The following SEPTIN8 variants were observed in gnomAD, a reference collection of about 807,000 sequenced individuals.
SEPTIN8 encodes the protein septin 8, also known as septin-8.
SEPTIN8 carries 22 observed loss-of-function variants against 53.1 expected under a neutral mutation model. That is an observed-to-expected ratio of 0.41 (90% CI 0.30 to 0.59). The LOEUF (loss-of-function observed/expected upper bound fraction) is 0.59. SEPTIN8 is among the 20% of genes least tolerant of loss of function. The pLI, the probability that SEPTIN8 is intolerant of heterozygous loss-of-function variation, is 0.24. For synonymous variants in SEPTIN8, 228 were observed against 248.4 expected (o/e 0.92, Z 0.77); for missense variants, 536 against 638.7 (o/e 0.84, Z 1.73).
intron 9 of SEPTIN8, chr5:132,757,924 T>C (rs1755493325): frequency 2.0e-6 from 2 of 985,848 alleles, no homozygotes; most frequent in African/African-American, 1.7e-5. Context: ...TTTTTCCCAC[T>C]GAGTACTCTT....
At chr5:132,756,547 A>AACTT (rs1396733882) in intron 9 of SEPTIN8, 3 of 985,472 alleles carry the variant, frequency 3.0e-6, no homozygotes, top group African/African-American at 1.7e-5. Context: ...TATGGGGGCT[A>AACTT]ACTTACTAAA....
At chr5:132,758,839 TAAAACAAAC>T (rs1755603639) in intron 9 of SEPTIN8, 1 of 1,612,494 alleles carries the variant, frequency 6.2e-7, no homozygotes, top group African/African-American at 1.3e-5. Flanking sequence ...AAAATAAAAA[TAAAACAAAC>T]AAAACAAAAA....
Position 132,758,695 on chromosome 5 carries a change from G to C in SEPTIN8, c.1286+2107C>G, listed in dbSNP as rs1030759633. ...GAGGAAAGCAAGGCTGTAAACACTGGAGTCTGTACCGGCTCCCAGTCCGTC... is the reference window on the plus strand; with the variant it reads ...GAGGAAAGCAAGGCTGTAAACACTGCAGTCTGTACCGGCTCCCAGTCCGTC... On this transcript the variant is annotated intron_variant, in intron 9 of 9. Transcript: ENST00000378719. 4 of 1,602,030 alleles carry C rather than the reference G, an allele frequency of 2.5e-6. No individual in the cohort carries two copies. In the African/African-American group the frequency reaches 4.0e-5, roughly 16 times the overall value.
At chr5:132,756,060 C>G (rs1307667121) in intron 9 of SEPTIN8, 1 of 985,096 alleles carries the variant, frequency 1.0e-6, no homozygotes, top group African/African-American at 1.7e-5. Flanking sequence ...TGGAAAAGAA[C>G]AAAAACAGTC....
rs751928524 is a variant in SEPTIN8, at chr5:132,763,818, G to A, written c.422C>T (p.Ser141Leu). Reference protein sequence around the residue: ...YLQEELKIRRSLFDYHDTRIH... With the variant: ...YLQEELKIRRLLFDYHDTRIH... ...CCTTGTGTCATGGTAGTCGAAGAGC[G>A]AGCGGCGGATCTTCAGCTCCTCCTG... The change falls in exon 4 of 10, where the codon TCG becomes TTG. Residue 141 changes from serine (S) to leucine (L), a missense_variant. Around this residue, in one of 3 missense-constraint regions of SEPTIN8, gnomAD observed 395 missense variants for 451.8 expected, o/e 0.87. Transcript: ENST00000378719. 72 of 1,611,704 alleles carry A rather than the reference G, an allele frequency of 4.5e-5. No individual in the cohort carries two copies. Among genetic ancestry groups the A allele is most frequent in the Non-Finnish European group, 5.9e-5 (69 of 1,179,036 alleles).
intron 1 of SEPTIN8, among the ~76,000 whole-genome samples, chr5:132,767,163 C>A (rs1051484337): frequency 1.4e-4 from 22 of 152,344 alleles, no homozygotes; most frequent in African/African-American, 5.1e-4. Flanking sequence ...AATCTCCCCA[C>A]TCAAGCCCAG....
At chr5:132,772,256 T>G (rs1255942897) in intron 1 of SEPTIN8, among the ~76,000 whole-genome samples, 3 of 152,180 alleles carry the variant, frequency 2.0e-5, no homozygotes, top group Admixed American at 6.5e-5. Flanking sequence ...TTTGGGATAG[T>G]GTGTTTCAAG....
At position 132,751,952 on chromosome 5, in the gene SEPTIN8, A is replaced by T; in HGVS notation, c.*64T>A. 1 of 1,598,618 alleles carries T rather than the reference A, an allele frequency of 6.3e-7. No homozygotes were observed. Among genetic ancestry groups the T allele is most frequent in the Non-Finnish European group, 8.5e-7 (1 of 1,172,106 alleles). Reference sequence around the variant, plus strand: ...GGCGTTTTCTGTTCTAACATTAAAAACCATGGTCTCCAGTTCCATGCCCTG... The same window carrying T: ...GGCGTTTTCTGTTCTAACATTAAAATCCATGGTCTCCAGTTCCATGCCCTG... On this transcript the variant is annotated 3_prime_UTR_variant, in exon 10 of 10. Coordinates refer to ENST00000378719, the MANE Select transcript of SEPTIN8 (RefSeq NM_001098811.2).
At position 132,765,537 on chromosome 5, in the gene SEPTIN8, G is replaced by C. The variant is rs1007064131; in HGVS notation, c.31-8C>G. The C allele has an allele frequency of 1.3e-6, 2 of 1,582,502 alleles. No individual in the cohort carries two copies. The highest frequency in any genetic ancestry group is 8.6e-7 in the Non-Finnish European group (1 of 1,167,798). On this transcript the variant is annotated splice_polypyrimidine_tract_variant and splice_region_variant and intron_variant, in intron 1 of 9. Transcript: ENST00000378719. ...GGGCTCTGGCTCTGCATTCTGCCAAGAGAGAAATAAAGCAAGACATGAGCC... is the reference window on the plus strand; with the variant it reads ...GGGCTCTGGCTCTGCATTCTGCCAACAGAGAAATAAAGCAAGACATGAGCC...
chr5:132,765,608 G>A, intron 1 of SEPTIN8, 79 bp from the exon 2 acceptor site: 10 of 1,475,516 alleles, frequency 6.8e-6, no homozygotes, highest in Non-Finnish European at 9.1e-6. Context: ...CTAAATCTGA[G>A]TTAAAACAGT....
chr5:132,755,281 T>G (rs1755224176), intron 9 of SEPTIN8, among the ~76,000 whole-genome samples: 1 of 152,172 alleles, frequency 6.6e-6, no homozygotes, highest in Non-Finnish European at 1.5e-5. Context: ...ATCACTTCTT[T>G]TCACCAGTCT....
chr5:132,764,278 T>G lies in SEPTIN8; in HGVS notation c.293A>C (p.Lys98Thr). The G allele has an allele frequency of 6.2e-7, 1 of 1,614,188 alleles. No homozygotes were observed. The highest frequency in any genetic ancestry group is 8.5e-7 in the Non-Finnish European group (1 of 1,180,030). The part of the protein sequence containing the change: ...YDLQESNVQL[K>T]LTIVDAVGFG... The stretch of plus-strand genomic sequence containing the variant: ...GCCCACGGCATCCACAATGGTCAGC[T>G]TGAGCTGCACGTTGCTCTCCTGGAG... The change falls in exon 3 of 10, where the codon AAG (lysine) becomes ACG (threonine). Residue 98 changes from lysine (K) to threonine (T), a missense_variant. Lys to Thr is a moderately conservative substitution (Grantham distance 78). This residue lies in a region of SEPTIN8 where 395 missense variants were observed against 451.8 expected (regional missense o/e 0.87). Coordinates refer to ENST00000378719, the MANE Select transcript of SEPTIN8 (RefSeq NM_001098811.2).
intron 9 of SEPTIN8, chr5:132,759,133 G>A (rs996891313): frequency 4.0e-6 from 2 of 500,622 alleles, no homozygotes; most frequent in African/African-American, 1.9e-5. Context: ...ATGCACTCCC[G>A]ACTCACACTA....
At chr5:132,755,335 C>T (rs1755228265) in intron 9 of SEPTIN8, among the ~76,000 whole-genome samples, 1 of 152,152 alleles carries the variant, frequency 6.6e-6, no homozygotes, top group South Asian at 2.1e-4. Context: ...GGCTTTCTAC[C>T]TCTAAAAAAC....
intron 1 of SEPTIN8, among the ~76,000 whole-genome samples, chr5:132,767,730 G>A (rs1446800042): frequency 6.6e-6 from 1 of 152,096 alleles, no homozygotes; most frequent in East Asian, 1.9e-4. Flanking sequence ...ACCTCCTTGT[G>A]TCGGCTTGAG....
At chr5:132,765,289 A>T in intron 2 of SEPTIN8, 120 bp downstream of exon 2, 1 of 1,212,424 alleles carries the variant, frequency 8.2e-7, no homozygotes, top group East Asian at 2.5e-5. Context: ...TCGTCCTGAC[A>T]CCCCCAAAGT....
chr5:132,764,120 G>T, intron 3 of SEPTIN8, 104 bp downstream of exon 3: 2 of 1,236,294 alleles, frequency 1.6e-6, no homozygotes, highest in Non-Finnish European at 2.2e-6. Context: ...TCCCCAAGAG[G>T]CCCTCCCTGG....
chr5:132,769,251 G>A (rs1756932714), intron 1 of SEPTIN8, among the ~76,000 whole-genome samples: 1 of 152,236 alleles, frequency 6.6e-6, no homozygotes. Flanking sequence ...CCAGGGCAGA[G>A]CAGGGACCTG....
chr5:132,752,001 G>A lies in SEPTIN8; in HGVS notation c.*15C>T. The A allele has an allele frequency of 6.2e-7, 1 of 1,612,252 alleles. No homozygotes were observed. Among genetic ancestry groups the A allele is most frequent in the Admixed American group, 1.7e-5 (1 of 59,866 alleles). On this transcript the variant is annotated 3_prime_UTR_variant, in exon 10 of 10. Coordinates refer to ENST00000378719, the MANE Select transcript of SEPTIN8 (RefSeq NM_001098811.2). ...TGGTGGTCCTGAGCTGGCCCCATGT[G>A]TTGGAGCTGCTGCCTCAGAGGAATC...
Sources: allele counts gnomAD v4.1 joint callset (sites outside exome capture counted in the v4.1 genomes callset), GRCh38; gene constraint gnomAD v4.1.1; regional missense constraint gnomAD v4.1.1; transcripts MANE v1.5; gene names NCBI Gene and HGNC (gene_info 2026-07-23, HGNC 2026-07-21).